PPP1R14C: variants seen among roughly 807,000 people sequenced by gnomAD.
The protein encoded by PPP1R14C is protein phosphatase 1 regulatory subunit 14C.
Under a neutral mutation model 20.4 loss-of-function variants are expected in PPP1R14C, and 16 were observed. The observed-to-expected ratio is 0.78, with a 90% CI of 0.53 to 1.19. The LOEUF is 1.19. Ranked by LOEUF, PPP1R14C falls within the 50% of genes most tolerant of loss-of-function variation. The probability of loss-of-function intolerance (pLI) is 0.00; values close to 1 mark genes in which losing one functional copy is unlikely to be tolerated. For missense variants in PPP1R14C, 211 were observed against 220.1 expected (o/e 0.96, Z 0.26); for synonymous variants, 91 against 91.0 (o/e 1.00, Z 0.00).
intron 3 of PPP1R14C, among the ~76,000 whole-genome samples, chr6:150,224,178 G>C (rs1172582975): frequency 6.6e-6 from 1 of 152,048 alleles, no homozygotes; most frequent in Non-Finnish European, 1.5e-5. Flanking sequence ...TCTGTTTCTG[G>C]GTCTCTTTTC....
At position 150,168,712 on chromosome 6, in the gene PPP1R14C, G is replaced by A. The variant is rs376036190; in HGVS notation, c.306+25214G>A. Among the ~76,000 whole-genome samples, 5 of 152,214 alleles carry A rather than the reference G, an allele frequency of 3.3e-5. No homozygotes were observed. In the South Asian group the frequency reaches 6.2e-4, roughly 19 times the overall value. ...AGGAGATGGAAGTAACCTTAAGAGC[G>A]TAAGAATAGGCAGATAACACCAAAT... On this transcript the variant is annotated intron_variant, in intron 1 of 3. Coordinates refer to ENST00000361131, the MANE Select transcript of PPP1R14C (RefSeq NM_030949.3).
intron 1 of PPP1R14C, among the ~76,000 whole-genome samples, chr6:150,160,577 ATTC>A (rs1320346129): frequency 6.6e-6 from 1 of 151,900 alleles, no homozygotes; most frequent in Non-Finnish European, 1.5e-5. Flanking sequence ...CCAGTAGCTC[ATTC>A]TTAAGTAATG....
chr6:150,233,251 G>A (rs887620969), intron 3 of PPP1R14C, among the ~76,000 whole-genome samples: 1 of 152,164 alleles, frequency 6.6e-6, no homozygotes, highest in Admixed American at 6.5e-5. Flanking sequence ...AGGAGGGGCG[G>A]TTAGAGACCC....
intron 3 of PPP1R14C, among the ~76,000 whole-genome samples, chr6:150,220,770 C>T (rs1778157639): frequency 6.6e-6 from 1 of 152,152 alleles, no homozygotes; most frequent in Non-Finnish European, 1.5e-5. Flanking sequence ...TGGAAATGAG[C>T]CCGTTCTCTC....
At chr6:150,157,816 C>A (rs1270686729) in intron 1 of PPP1R14C, among the ~76,000 whole-genome samples, 1 of 152,226 alleles carries the variant, frequency 6.6e-6, no homozygotes, top group Non-Finnish European at 1.5e-5. Flanking sequence ...TGCACCAAGA[C>A]ACCTAGGCCC....
chr6:150,206,986 T>C (rs1472513782), intron 1 of PPP1R14C, among the ~76,000 whole-genome samples: 1 of 151,960 alleles, frequency 6.6e-6, no homozygotes, highest in Non-Finnish European at 1.5e-5. Flanking sequence ...TGCCTCAGCC[T>C]CCTGAGTAGC....
At chr6:150,151,937 G>A (rs1319851845) in intron 1 of PPP1R14C, among the ~76,000 whole-genome samples, 2 of 151,944 alleles carry the variant, frequency 1.3e-5, no homozygotes, top group African/African-American at 4.8e-5. Flanking sequence ...CGGCTAAAAA[G>A]GTGAAACCCC....
At chr6:150,248,688 T>A in intron 3 of PPP1R14C, 58 bp from the exon 4 acceptor site, 1 of 1,240,308 alleles carries the variant, frequency 8.1e-7, no homozygotes, top group Non-Finnish European at 1.2e-6. Flanking sequence ...TTAAGCAGAT[T>A]TTTAAACACA....
rs922229865 is a variant in PPP1R14C at position 150,183,276 on chromosome 6, C to A, written c.307-31468C>A. Among the ~76,000 whole-genome samples, 3 of 151,556 alleles carry A rather than the reference C, an allele frequency of 2.0e-5. No individual in the cohort carries two copies. In the East Asian group the frequency reaches 5.8e-4, roughly 29 times the overall value. ...AAGTTTACTTGAATTTTCTTTAGTA[C>A]AATCATCCCTGAAATTATAAAGAGG... On this transcript the variant is annotated intron_variant, in intron 1 of 3. Transcript: ENST00000361131.
rs201378659 is a variant in PPP1R14C at position 150,214,760 on chromosome 6, A to G, written c.323A>G (p.Glu108Gly). The change falls in exon 2 of 4, where the codon GAG becomes GGG. Residue 108 changes from glutamate to glycine, a missense_variant. Coordinates refer to ENST00000361131, the MANE Select transcript of PPP1R14C (RefSeq NM_030949.3). ...LYGCEEEEMP[E>G]VEIDIDDLLD... The stretch of plus-strand genomic sequence containing the variant: ...GCCCCCCAGGAAGAAGAAATGCCAG[A>G]GGTAGAAATTGACATTGATGATCTT... The G allele has an allele frequency of 2.7e-5, 43 of 1,613,244 alleles. No homozygotes were observed. Among genetic ancestry groups the G allele is most frequent in the African/African-American group, 1.3e-4 (10 of 75,014 alleles).
intron 1 of PPP1R14C, among the ~76,000 whole-genome samples, chr6:150,169,601 T>C (rs1207789011): frequency 6.6e-6 from 1 of 152,166 alleles, no homozygotes; most frequent in Non-Finnish European, 1.5e-5. Context: ...AGCAGAGACC[T>C]GCATAAGGTG....
chr6:150,206,627 C>A (rs906388636), intron 1 of PPP1R14C, among the ~76,000 whole-genome samples: 1 of 152,192 alleles, frequency 6.6e-6, no homozygotes, highest in South Asian at 2.1e-4. Flanking sequence ...GCGTTCTACA[C>A]GGGGCATGAG....
rs546496222 is a variant in PPP1R14C at position 150,201,850 on chromosome 6, T to C, written c.307-12894T>C. ...GCCATAGAATTGACAGTTATGGTGATGGATTGGATGGTGGCGACAGGGAGA... is the reference window on the plus strand; with the variant it reads ...GCCATAGAATTGACAGTTATGGTGACGGATTGGATGGTGGCGACAGGGAGA... On this transcript the variant is annotated intron_variant, in intron 1 of 3. Transcript: ENST00000361131. This position sits in a 1 kb window ranked among gnomAD's most constrained non-coding sequence, Gnocchi z 4.2. 6.6e-6 allele frequency among the ~76,000 whole-genome samples: 1 copy of C among 152,094 alleles called. No individual in the cohort carries two copies. The highest frequency in any genetic ancestry group is 1.5e-5 in the Non-Finnish European group (1 of 68,028).
intron 1 of PPP1R14C, among the ~76,000 whole-genome samples, chr6:150,214,543 T>C (rs911651135): frequency 2.6e-5 from 4 of 151,400 alleles, no homozygotes; most frequent in African/African-American, 9.7e-5. Context: ...TTTCCCTTCT[T>C]CTCCTCTTTA....
intron 1 of PPP1R14C, among the ~76,000 whole-genome samples, chr6:150,149,443 A>ATTTTTTTTTTTTTTTTTTTTTTT (rs1216146263): frequency 2.5e-5 from 3 of 119,940 alleles, no homozygotes; most frequent in African/African-American, 9.9e-5. Flanking sequence ...CTCCCACCTA[A>ATTTTTTTTTTTTTTTTTTTTTTT]TTTTTTTTTT....
At chr6:150,242,084 C>G (rs1463635694) in intron 3 of PPP1R14C, among the ~76,000 whole-genome samples, 1 of 151,936 alleles carries the variant, frequency 6.6e-6, no homozygotes, top group Admixed American at 6.6e-5. Flanking sequence ...TAGGTATAAC[C>G]TTTCAAAACC....
intron 3 of PPP1R14C, among the ~76,000 whole-genome samples, chr6:150,219,958 C>T (rs1231139968): frequency 2.0e-5 from 3 of 151,978 alleles, no homozygotes; most frequent in African/African-American, 7.3e-5. Context: ...CGGGTTCAAG[C>T]GATGCTCGTG....
intron 1 of PPP1R14C, among the ~76,000 whole-genome samples, chr6:150,198,701 GC>G (rs1417643810): frequency 6.6e-6 from 1 of 152,228 alleles, no homozygotes; most frequent in Non-Finnish European, 1.5e-5. Context: ...GAGGAATGGT[GC>G]CGCTGACATA....
chr6:150,224,386 G>A (rs942256613), intron 3 of PPP1R14C, among the ~76,000 whole-genome samples: 3 of 152,172 alleles, frequency 2.0e-5, no homozygotes, highest in African/African-American at 7.2e-5. Flanking sequence ...CCACAGAACA[G>A]CTTCCTGGGA....
Sources: allele counts gnomAD v4.1 joint callset (sites outside exome capture counted in the v4.1 genomes callset), GRCh38; gene constraint gnomAD v4.1.1; non-coding constraint Gnocchi (gnomAD v3.1); transcripts MANE v1.5; gene names NCBI Gene and HGNC (gene_info 2026-07-23, HGNC 2026-07-21).